CLEC5A: variants seen among roughly 807,000 people sequenced by gnomAD.
The protein encoded by CLEC5A is C-type lectin domain family 5 member A.
CLEC5A carries 15 observed loss-of-function variants against 24.4 expected under a neutral mutation model. The ratio of observed to expected loss-of-function variants is 0.62; its 90% CI spans 0.41 to 0.95. CLEC5A has a LOEUF of 0.95. CLEC5A is among the 40% of genes least tolerant of loss of function. The pLI is 0.00. For synonymous variants in CLEC5A, 71 were observed against 72.6 expected, an observed-to-expected ratio of 0.98 and a Z score of 0.11; for missense variants, 211 against 224.0, an observed-to-expected ratio of 0.94 and a Z score of 0.37.
At chr7:141,944,476 T>C (rs550302213) in intron 3 of CLEC5A, among the ~76,000 whole-genome samples, 1 of 152,164 alleles carries the variant, frequency 6.6e-6, no homozygotes, top group African/African-American at 2.4e-5. Flanking sequence ...TTGAAGCTAA[T>C]TGGAACAAAA....
Position 141,940,973 on chromosome 7 carries a change from A to G in CLEC5A, c.208+2923T>C, listed in dbSNP as rs112862509. 4.4e-3 allele frequency among the ~76,000 whole-genome samples: 662 copies of G among 152,156 alleles called. 5 individuals carry two copies. Among genetic ancestry groups the G allele is most frequent in the African/African-American group, 0.015 (636 of 41,552 alleles). On this transcript the variant is annotated intron_variant, in intron 4 of 6. Transcript: ENST00000546910. ...ATAAAGAAAAGCCCAGGATCCAATG[A>G]TTTCACTGCTGAATTCTGCCAAGTA... is the stretch of plus-strand genomic sequence containing the variant.
In CLEC5A at chr7:141,930,091, C is replaced by G; in HGVS notation, c.*13G>C. The G allele has an allele frequency of 5.0e-6, 8 of 1,598,552 alleles. No homozygotes were observed. The highest frequency in any genetic ancestry group is 6.9e-6 in the Non-Finnish European group (8 of 1,166,356). On this transcript the variant is annotated 3_prime_UTR_variant, in exon 7 of 7. Transcript: ENST00000546910. ...AGAGTTGCAAGTATAGTTCTTGTCA[C>G]AGGGAACTGTGATCATTTGGCATTC...
chr7:141,932,143 A>C (rs1356138962), intron 5 of CLEC5A, among the ~76,000 whole-genome samples: 1 of 152,230 alleles, frequency 6.6e-6, no homozygotes, highest in Non-Finnish European at 1.5e-5. Flanking sequence ...CCACACTGTG[A>C]GAATGAAGGG....
intron 4 of CLEC5A, among the ~76,000 whole-genome samples, chr7:141,938,249 T>A (rs782234549): frequency 6.6e-6 from 1 of 152,120 alleles, no homozygotes; most frequent in Admixed American, 6.5e-5. Flanking sequence ...AATACCTGTG[T>A]TGAGGAAACT....
chr7:141,941,141 G>A (rs186696488), intron 4 of CLEC5A, among the ~76,000 whole-genome samples: 43 of 151,838 alleles, frequency 2.8e-4, no homozygotes, highest in South Asian at 8.3e-4. Context: ...GAAACTACAC[G>A]CAAATATACC....
chr7:141,943,858 C>A, intron 4 of CLEC5A, 38 bp downstream of exon 4: 4 of 1,344,280 alleles, frequency 3.0e-6, no homozygotes, highest in South Asian at 1.2e-5. Flanking sequence ...GCATGAGAAC[C>A]TAGGGGATGG....
At chr7:141,937,551 C>A (rs1270921407) in intron 4 of CLEC5A, among the ~76,000 whole-genome samples, 2 of 152,178 alleles carry the variant, frequency 1.3e-5, no homozygotes, top group Non-Finnish European at 2.9e-5. Context: ...TGACTCCAGT[C>A]CCTGGTTCTA....
chr7:141,945,428 G>C, intron 2 of CLEC5A, 28 bp from the exon 3 acceptor site: 1 of 1,555,316 alleles, frequency 6.4e-7, no homozygotes, highest in Non-Finnish European at 8.9e-7. Context: ...TGTTGGCTCA[G>C]CCCCAAATGT....
In CLEC5A at chr7:141,945,231, C is replaced by T. The variant is rs782339571; in HGVS notation, c.139+110G>A. On this transcript the variant is annotated intron_variant, in intron 3 of 6. Transcript: ENST00000546910. ...AATTAATTAGAAGATCTTTATGGAC[C>T]CTTTGTACAAAAGAATTTCTTGGGA... 152 of 829,988 alleles carry T rather than the reference C, an allele frequency of 1.8e-4. 1 individual carries two copies. The highest frequency in any genetic ancestry group is 1.7e-3 in the South Asian group (128 of 75,068). The allele number at this position is 829,988 out of a possible 1,614,324, so 51.4% of individuals were successfully genotyped here. A position where few individuals can be genotyped will look rare whatever the true frequency, so the allele number is the denominator to read the frequency against.
chr7:141,936,338 C>A (rs1196580271), intron 4 of CLEC5A: 3 of 269,352 alleles, frequency 1.1e-5, no homozygotes, highest in African/African-American at 4.6e-5. Context: ...GACACCACCC[C>A]CACCCTATCC....
Position 141,929,952 on chromosome 7 carries a change from G to T in CLEC5A, c.*152C>A. The T allele has an allele frequency of 3.3e-6, 2 of 599,636 alleles. No individual in the cohort carries two copies. Among genetic ancestry groups the T allele is most frequent in the Middle Eastern group, 5.3e-4 (2 of 3,770 alleles). 37.1% of individuals were successfully genotyped at this position (599,636 alleles called of 1,614,324 possible). On this transcript the variant is annotated 3_prime_UTR_variant, in exon 7 of 7. Coordinates refer to ENST00000546910, the MANE Select transcript of CLEC5A (RefSeq NM_013252.3). ...GTCTCCTGGAGATGGCTAGCATCCA[G>T]TCCCCCAGTGCAGAAGAAAGAAGCT...
At chr7:141,941,776 ATGCCAAC>A (rs1802802069) in intron 4 of CLEC5A, among the ~76,000 whole-genome samples, 1 of 152,150 alleles carries the variant, frequency 6.6e-6, no homozygotes, top group Non-Finnish European at 1.5e-5. Context: ...GCATTTCTAT[ATGCCAAC>A]AGTGAACACT....
chr7:141,930,020 G>C lies in CLEC5A; in HGVS notation c.*84C>G. 2 of 1,046,020 alleles carry C rather than the reference G, an allele frequency of 1.9e-6. No individual in the cohort carries two copies. The highest frequency in any genetic ancestry group is 2.9e-6 in the Non-Finnish European group (2 of 696,330). The allele number at this position is 1,046,020 out of a possible 1,614,324, so 64.8% of individuals were successfully genotyped here. A position where few individuals can be genotyped will look rare whatever the true frequency, so the allele number is the denominator to read the frequency against. On this transcript the variant is annotated 3_prime_UTR_variant, in exon 7 of 7. Coordinates refer to ENST00000546910, the MANE Select transcript of CLEC5A (RefSeq NM_013252.3). ...AAGGACCGCTACTGGTAGACAGATAGGTAAGTAAAAGAATCATTGGCCAGA... is the reference window on the plus strand; with the variant it reads ...AAGGACCGCTACTGGTAGACAGATACGTAAGTAAAAGAATCATTGGCCAGA...
intron 4 of CLEC5A, among the ~76,000 whole-genome samples, chr7:141,939,699 A>G (rs529081291): frequency 6.6e-6 from 1 of 152,134 alleles, no homozygotes; most frequent in Non-Finnish European, 1.5e-5. Flanking sequence ...AACACACTCC[A>G]CCTATAAAGA....
At chr7:141,930,343 A>T in intron 6 of CLEC5A, 125 bp from the exon 7 acceptor site, 1 of 695,822 alleles carries the variant, frequency 1.4e-6, no homozygotes. Context: ...TTTGCCTGGA[A>T]GGGCAGCAGA....
chr7:141,944,575 A>G (rs1802895881), intron 3 of CLEC5A, among the ~76,000 whole-genome samples: 1 of 152,184 alleles, frequency 6.6e-6, no homozygotes, highest in Admixed American at 6.5e-5. Context: ...ATTCATTTCT[A>G]GAAATCCATA....
At chr7:141,940,948 A>G (rs1454261796) in intron 4 of CLEC5A, among the ~76,000 whole-genome samples, 1 of 152,090 alleles carries the variant, frequency 6.6e-6, no homozygotes, top group Non-Finnish European at 1.5e-5. Flanking sequence ...AACTCTCCCA[A>G]TAAAGAAAAG....
intron 4 of CLEC5A, among the ~76,000 whole-genome samples, chr7:141,941,531 C>G (rs1036123606): frequency 2.0e-5 from 3 of 152,064 alleles, no homozygotes; most frequent in African/African-American, 7.2e-5. Context: ...CAAGGCCGCA[C>G]TCGCTTTCAT....
chr7:141,946,162 C>A, intron 2 of CLEC5A, 52 bp downstream of exon 2: 1 of 1,529,546 alleles, frequency 6.5e-7, no homozygotes, highest in Non-Finnish European at 8.9e-7. Flanking sequence ...AGAGAAGAGT[C>A]AATGAGCAAG....
Sources: allele counts gnomAD v4.1 joint callset (sites outside exome capture counted in the v4.1 genomes callset), GRCh38; gene constraint gnomAD v4.1.1; transcripts MANE v1.5; gene names NCBI Gene and HGNC (gene_info 2026-07-23, HGNC 2026-07-21).